Variants in BMP2K observed in about 807,000 individuals in gnomAD.
BMP2K encodes the protein BMP2 inducible kinase.
In BMP2K, 74 loss-of-function variants were observed where a neutral mutation model predicts 116.0. The observed-to-expected ratio is 0.64, with a 90% CI of 0.53 to 0.77. The LOEUF (loss-of-function observed/expected upper bound fraction) is 0.77, where lower values mean the gene tolerates loss of function less well. Ranked by LOEUF, BMP2K falls within the 30% of genes least tolerant of loss-of-function variation. The probability of loss-of-function intolerance (pLI) is 0.00; values close to 1 mark genes in which losing one functional copy is unlikely to be tolerated. For synonymous variants in BMP2K, 486 were observed against 502.5 expected (o/e 0.97, Z 0.44); for missense variants, 1,365 against 1,403.6 (o/e 0.97, Z 0.44).
At chr4:78,781,376 T>C (rs1727494568) in intron 1 of BMP2K, among the ~76,000 whole-genome samples, 1 of 152,092 alleles carries the variant, frequency 6.6e-6, no homozygotes, top group Non-Finnish European at 1.5e-5. Flanking sequence ...TACTTGCTTA[T>C]GTATCTCTCA....
At position 78,834,263 on chromosome 4, in the gene BMP2K, A is replaced by ATT. The variant is rs561686382; in HGVS notation, c.403+591_403+592dup. Among the ~76,000 whole-genome samples, 234 of 141,828 alleles carry ATT rather than the reference A, an allele frequency of 1.6e-3. 2 individuals carry two copies. The highest frequency in any genetic ancestry group is 5.7e-3 in the African/African-American group (219 of 38,254). The allele number at this position is 141,828 out of a possible 152,430, so 93.0% of individuals were successfully genotyped here. On this transcript the variant is annotated intron_variant, in intron 3 of 15. Transcript: ENST00000502613. ...TCATAAAAAAATTCCTGACATTTAA[A>ATT]TTTTTTTTTTTTTTTTGAGACGGAG...
chr4:78,892,391 G>A (rs1344566632), intron 15 of BMP2K, among the ~76,000 whole-genome samples: 1 of 152,138 alleles, frequency 6.6e-6, no homozygotes, highest in African/African-American at 2.4e-5. Context: ...TAATGTTCCA[G>A]TATCATCATT....
chr4:78,857,746 T>G (rs1033104720), intron 7 of BMP2K, among the ~76,000 whole-genome samples: 1 of 152,158 alleles, frequency 6.6e-6, no homozygotes, highest in Non-Finnish European at 1.5e-5. Context: ...GTGAGCTATC[T>G]TTAGAAAGAC....
In BMP2K at chr4:78,911,482, T is replaced by C. The variant is rs1395995766; in HGVS notation, c.2935T>C (p.Ser979Pro). The C allele has an allele frequency of 1.2e-6, 2 of 1,613,904 alleles. No individual in the cohort carries two copies. The highest frequency in any genetic ancestry group is 4.5e-5 in the East Asian group (2 of 44,872). The change falls in exon 16 of 16, where the codon TCC (serine) becomes CCC (proline). Residue 979 changes from serine (S) to proline (P), a missense_variant. Physicochemically the swap from Ser to Pro is moderately conservative, Grantham distance 74 (BLOSUM62 -1). This residue lies in a region of BMP2K where 596 missense variants were observed against 623.2 expected (regional missense o/e 0.96). Coordinates refer to ENST00000502613, the MANE Select transcript of BMP2K (RefSeq NM_198892.2). ...CAAACAGCGCAGCTTACAGAAACTG[T>C]CCTCTCGCCAAAGGCGCACAAAGCA... Reference protein sequence around the residue: ...KVKQRSLQKLSSRQRRTKQDM... With the variant: ...KVKQRSLQKLPSRQRRTKQDM...
At chr4:78,825,915 A>G in intron 1 of BMP2K, 122 bp from the exon 2 acceptor site, 1 of 716,272 alleles carries the variant, frequency 1.4e-6, no homozygotes, top group Non-Finnish European at 2.3e-6. Context: ...AGCTTATTGC[A>G]CTTGTTTTTG....
chr4:78,890,976 C>T (rs1255225753), intron 15 of BMP2K, among the ~76,000 whole-genome samples: 1 of 152,116 alleles, frequency 6.6e-6, no homozygotes, highest in African/African-American at 2.4e-5. Context: ...GGGAGGATTG[C>T]TTGCTTGAGG....
At chr4:78,900,008 C>T (rs759940144) in intron 15 of BMP2K, among the ~76,000 whole-genome samples, 7 of 152,096 alleles carry the variant, frequency 4.6e-5, no homozygotes, top group African/African-American at 1.2e-4. Flanking sequence ...TTGAACAACA[C>T]GGGTTTGAAC....
intron 1 of BMP2K, among the ~76,000 whole-genome samples, chr4:78,821,270 A>C (rs2109990375): frequency 6.6e-6 from 1 of 152,276 alleles, no homozygotes; most frequent in Non-Finnish European, 1.5e-5. Flanking sequence ...AAATGGGGCA[A>C]GTTTCTTGAC....
At position 78,882,532 on chromosome 4, in the gene BMP2K, T is replaced by TTTTAATA. The variant is rs532588364; in HGVS notation, c.1951+3650_1951+3656dup. 2.7e-3 allele frequency among the ~76,000 whole-genome samples: 413 copies of TTTTAATA among 152,012 alleles called. 3 individuals are homozygous for TTTTAATA. The highest frequency in any genetic ancestry group is 9.4e-3 in the African/African-American group (392 of 41,564). Reference sequence around the variant, plus strand: ...AGCAATTTGTCATAATATTTTAGTATTTTAATATTTAATATGACAATTTAA... The same window carrying TTTTAATA: ...AGCAATTTGTCATAATATTTTAGTATTTTAATATTTAATATTTAATATGACAATTTAA... On this transcript the variant is annotated intron_variant, in intron 14 of 15. Coordinates refer to ENST00000502613, the MANE Select transcript of BMP2K (RefSeq NM_198892.2).
At chr4:78,892,481 C>T (rs1733491874) in intron 15 of BMP2K, among the ~76,000 whole-genome samples, 1 of 152,148 alleles carries the variant, frequency 6.6e-6, no homozygotes, top group African/African-American at 2.4e-5. Flanking sequence ...TTTTATCAAA[C>T]TTGCTAAGGT....
Position 78,913,808 on chromosome 4 carries a change from A to G in BMP2K, c.*1775A>G, listed in dbSNP as rs1374949288. 2.0e-5 allele frequency: 3 copies of G among 152,108 alleles called. No homozygotes were observed. Among genetic ancestry groups the G allele is most frequent in the Non-Finnish European group, 4.4e-5 (3 of 67,980 alleles). The allele number at this position is 152,108 out of a possible 1,614,324, so 9.4% of individuals were successfully genotyped here. A position where few individuals can be genotyped will look rare whatever the true frequency, so the allele number is the denominator to read the frequency against. On this transcript the variant is annotated 3_prime_UTR_variant, in exon 16 of 16. Transcript: ENST00000502613. ...ATAGGGAAGCAATATGTGAATCACAATGTAGCAGAGGCAGACCAAGCATTA... is the reference window on the plus strand; with the variant it reads ...ATAGGGAAGCAATATGTGAATCACAGTGTAGCAGAGGCAGACCAAGCATTA...
chr4:78,847,403 C>T (rs915046072), intron 6 of BMP2K, 134 bp downstream of exon 6: 3 of 428,840 alleles, frequency 7.0e-6, no homozygotes, highest in Non-Finnish European at 1.2e-5. Context: ...GAGCTTCTTA[C>T]TTGGGAGAAG....
chr4:78,798,975 CAT>C (rs945369156), intron 1 of BMP2K, among the ~76,000 whole-genome samples: 1 of 152,318 alleles, frequency 6.6e-6, no homozygotes. Context: ...TCCATAATAA[CAT>C]TATCAAATTA....
Position 78,776,633 on chromosome 4 carries a change from C to T in BMP2K, c.90C>T (p.Ala30=). ...GGGCTGGCGGGGCCGGGGCCGGGGC[C>T]GGCTGCGGCTCCGGCGGCTCGTCCG... ...GGGAGGAGAG[A]GCGSGGSSVG... The change falls in exon 1 of 16, where the codon GCC becomes GCT. Residue 30 remains alanine (A), a synonymous_variant. Coordinates refer to ENST00000502613, the MANE Select transcript of BMP2K (RefSeq NM_198892.2). 4 of 1,214,466 alleles carry T rather than the reference C, an allele frequency of 3.3e-6. No individual in the cohort carries two copies. The highest frequency in any genetic ancestry group is 3.1e-6 in the Non-Finnish European group (3 of 973,186). 75.2% of individuals were successfully genotyped at this position (1,214,466 alleles called of 1,614,324 possible).
At position 78,857,330 on chromosome 4, in the gene BMP2K, G is replaced by A. The variant is rs978375890; in HGVS notation, c.884-2254G>A. ...GAAAACATGACCCAGGGGAATTGGA[G>A]GTCCTTGTGTTTGCTTATAAGATAA... On this transcript the variant is annotated intron_variant, in intron 7 of 15. Transcript: ENST00000502613. 7.9e-5 allele frequency among the ~76,000 whole-genome samples: 12 copies of A among 152,018 alleles called. 1 individual carries two copies. The highest frequency in any genetic ancestry group is 7.2e-4 in the Admixed American group (11 of 15,224).
At chr4:78,864,449 A>G (rs936738912) in intron 9 of BMP2K, among the ~76,000 whole-genome samples, 4 of 151,612 alleles carry the variant, frequency 2.6e-5, no homozygotes, top group South Asian at 2.1e-4. Flanking sequence ...TATTTGGCCT[A>G]TTAGTTAAAT....
chr4:78,907,469 A>G (rs1319776029), intron 15 of BMP2K, among the ~76,000 whole-genome samples: 1 of 152,220 alleles, frequency 6.6e-6, no homozygotes, highest in Non-Finnish European at 1.5e-5. Context: ...TCCTACGTTA[A>G]ATGTTCCAGA....
intron 9 of BMP2K, among the ~76,000 whole-genome samples, chr4:78,863,831 T>C (rs1395544360): frequency 1.3e-5 from 2 of 152,298 alleles, no homozygotes; most frequent in South Asian, 2.1e-4. Flanking sequence ...GTCAAACTTA[T>C]TATGAAAATT....
chr4:78,822,918 C>T (rs974361229), intron 1 of BMP2K, among the ~76,000 whole-genome samples: 1 of 152,160 alleles, frequency 6.6e-6, no homozygotes. Context: ...ACACCCCTCT[C>T]TTGGACTACT....
Sources: gnomAD v4.1 joint callset for allele counts (sites outside exome capture counted in the v4.1 genomes callset) on GRCh38, gnomAD v4.1.1 for gene constraint, gnomAD v4.1.1 regional missense constraint, MANE v1.5 for transcripts, NCBI Gene and HGNC (gene_info 2026-07-23, HGNC 2026-07-21) for gene names.